The following SLC17A6 variants were observed in gnomAD, a reference collection of about 807,000 sequenced individuals.
SLC17A6 encodes vesicular glutamate transporter 2.
Under a neutral mutation model 67.1 loss-of-function variants are expected in SLC17A6, and 35 were observed. The observed-to-expected ratio is 0.52, with a 90% CI of 0.40 to 0.69. The LOEUF (loss-of-function observed/expected upper bound fraction) is 0.69, where lower values mean the gene tolerates loss of function less well. Among genes scored for constraint, SLC17A6 ranks in the 30% least tolerant of loss-of-function variants. SLC17A6 has a pLI of 0.00. For synonymous variants in SLC17A6, 285 were observed against 252.3 expected (o/e 1.13, Z -1.23); for missense variants, 588 against 723.9 (o/e 0.81, Z 2.15).
chr11:22,376,048 C>T lies in SLC17A6; in HGVS notation c.1241C>T (p.Ser414Leu), dbSNP rs780431944. The change falls in exon 10 of 12, where the codon TCA (serine) becomes TTA (leucine). Residue 414 changes from serine (S) to leucine (L), a missense_variant. Around this residue, in one of 4 missense-constraint regions of SLC17A6, gnomAD observed 414 missense variants for 563.4 expected, o/e 0.73. Coordinates refer to ENST00000263160, the MANE Select transcript of SLC17A6 (RefSeq NM_020346.3). ...TCTCATACTAGAGGGGTAGCAATCT[C>T]ATTCTTGGTACTTGCAGTGGGATTC... Reference protein sequence around the residue: ...GYSHTRGVAISFLVLAVGFSG... With the variant: ...GYSHTRGVAILFLVLAVGFSG... 1.2e-6 allele frequency: 2 copies of T among 1,612,538 alleles called. No individual in the cohort carries two copies. The highest frequency in any genetic ancestry group is 1.7e-6 in the Non-Finnish European group (2 of 1,179,220).
chr11:22,377,814 A>T lies in SLC17A6; in HGVS notation c.*74A>T, dbSNP rs1856249178. On this transcript the variant is annotated 3_prime_UTR_variant, in exon 12 of 12. Coordinates refer to ENST00000263160, the MANE Select transcript of SLC17A6 (RefSeq NM_020346.3). ...GTGATTGCACAAAAATTTTAAAAAC[A>T]CGTGATGTAAACTTGCAAGCATATC... The T allele has an allele frequency of 8.0e-7, 1 of 1,251,468 alleles. No homozygotes were observed. Among genetic ancestry groups the T allele is most frequent in the South Asian group, 1.6e-5 (1 of 60,916 alleles). The allele number at this position is 1,251,468 out of a possible 1,614,324, so 77.5% of individuals were successfully genotyped here. A position where few individuals can be genotyped will look rare whatever the true frequency, so the allele number is the denominator to read the frequency against.
At chr11:22,354,237 C>T (rs1435902566) in intron 3 of SLC17A6, among the ~76,000 whole-genome samples, 1 of 152,068 alleles carries the variant, frequency 6.6e-6, no homozygotes, top group Admixed American at 6.5e-5. Flanking sequence ...GTGCCCACCG[C>T]CACACGCAGC....
At position 22,360,897 on chromosome 11, in the gene SLC17A6, G is replaced by T. The variant is rs1331414503; in HGVS notation, c.574G>T (p.Gly192Cys). ...TGATGAGTATCTTCCCCCATCACAG[G>T]GTGTGACCTACCCAGCATGTCATGG... Reference protein sequence around the residue: ...FVRILQGLVEGVTYPACHGIW... With the variant: ...FVRILQGLVECVTYPACHGIW... The change falls in exon 5 of 12, where the codon GGT becomes TGT. Residue 192 changes from glycine to cysteine, a missense_variant and splice_region_variant. Around this residue, in one of 4 missense-constraint regions of SLC17A6, gnomAD observed 414 missense variants for 563.4 expected, o/e 0.73. Transcript: ENST00000263160. 1 of 1,613,748 alleles carries T rather than the reference G, an allele frequency of 6.2e-7. No individual in the cohort carries two copies.
At chr11:22,359,341 C>A in intron 3 of SLC17A6, 72 bp from the exon 4 acceptor site, 3 of 864,336 alleles carry the variant, frequency 3.5e-6, no homozygotes, top group Non-Finnish European at 3.3e-6. Flanking sequence ...TTTCACTTCT[C>A]CTGAGAAATT....
intron 3 of SLC17A6, among the ~76,000 whole-genome samples, chr11:22,346,624 A>G (rs1855878717): frequency 6.6e-6 from 1 of 150,956 alleles, no homozygotes. Flanking sequence ...TTTTAAGATG[A>G]GAACATATTA....
chr11:22,351,709 G>A (rs1393317781), intron 3 of SLC17A6, among the ~76,000 whole-genome samples: 1 of 152,132 alleles, frequency 6.6e-6, no homozygotes, highest in African/African-American at 2.4e-5. Context: ...AAATAGGAAA[G>A]AACTAGCCTG....
intron 6 of SLC17A6, among the ~76,000 whole-genome samples, chr11:22,363,459 C>T (rs1041913326): frequency 6.6e-5 from 10 of 152,072 alleles, no homozygotes; most frequent in Non-Finnish European, 1.5e-4. Context: ...CTAAGAGGCA[C>T]TTTTTAATGA....
intron 1 of SLC17A6, among the ~76,000 whole-genome samples, chr11:22,340,798 A>G (rs1484329154): frequency 6.6e-6 from 1 of 152,102 alleles, no homozygotes; most frequent in Non-Finnish European, 1.5e-5. Flanking sequence ...CAGGGGAGTA[A>G]GCATTGAACT....
At chr11:22,355,386 C>T (rs573565323) in intron 3 of SLC17A6, among the ~76,000 whole-genome samples, 167 of 152,212 alleles carry the variant, frequency 1.1e-3, no homozygotes, top group African/African-American at 3.9e-3. Flanking sequence ...GCCTTTCCCC[C>T]CACCCTCTTC....
At chr11:22,353,079 C>T (rs536017459) in intron 3 of SLC17A6, among the ~76,000 whole-genome samples, 12 of 152,190 alleles carry the variant, frequency 7.9e-5, no homozygotes, top group Middle Eastern at 3.4e-3. Context: ...GAAAAAGATG[C>T]GAAATAATCA....
intron 3 of SLC17A6, among the ~76,000 whole-genome samples, chr11:22,351,325 G>T (rs1327923151): frequency 1.3e-5 from 2 of 152,014 alleles, no homozygotes; most frequent in Middle Eastern, 3.4e-3. Flanking sequence ...GGCTTCTAGG[G>T]TACCCATCAC....
At chr11:22,373,151 C>T (rs1030958755) in intron 8 of SLC17A6, among the ~76,000 whole-genome samples, 2 of 152,080 alleles carry the variant, frequency 1.3e-5, no homozygotes, top group Admixed American at 6.6e-5. Flanking sequence ...AATGATTGTT[C>T]AAATAGATAG....
intron 3 of SLC17A6, among the ~76,000 whole-genome samples, chr11:22,357,575 T>C (rs376116564): frequency 5.9e-5 from 9 of 152,132 alleles, no homozygotes; most frequent in African/African-American, 1.7e-4. Flanking sequence ...CAAATTTCAA[T>C]CATGAAGAGG....
rs776350731 is a variant in SLC17A6, at chr11:22,376,526, A to C, written c.1286-19A>C. On this transcript the variant is annotated intron_variant, in intron 10 of 11. Transcript: ENST00000263160. ...GACGTTTAGGATGCCCTGAGTCAAA[A>C]CTTATGTGTGTATTTCAGGTTTCAA... The C allele has an allele frequency of 6.2e-6, 10 of 1,613,612 alleles. No homozygotes were observed. The highest frequency in any genetic ancestry group is 7.6e-6 in the Non-Finnish European group (9 of 1,179,806).
At chr11:22,339,033 T>A (rs1241560232) in intron 1 of SLC17A6, among the ~76,000 whole-genome samples, 11 of 110,694 alleles carry the variant, frequency 9.9e-5, no homozygotes, top group East Asian at 2.5e-4. Context: ...TCTAAAAAAA[T>A]AACCAAGAAA....
At chr11:22,376,521 T>C in intron 10 of SLC17A6, 24 bp from the exon 11 acceptor site, 1 of 1,613,630 alleles carries the variant, frequency 6.2e-7, no homozygotes, top group Non-Finnish European at 8.5e-7. Context: ...ATGCCCTGAG[T>C]CAAAACTTAT....
Position 22,377,581 on chromosome 11 carries a change from C to T in SLC17A6, c.1590C>T (p.Asp530=). The part of the protein sequence containing the change: ...HEDELDEETG[D]ITQNYINYGT... The stretch of plus-strand genomic sequence containing the variant: ...ATGAACTCGATGAAGAAACAGGGGA[C>T]ATTACTCAAAATTATATAAATTATG... Residue 530 remains aspartate (D), a synonymous_variant, in exon 12 of 12, where the codon GAC becomes GAT. Coordinates refer to ENST00000263160, the MANE Select transcript of SLC17A6 (RefSeq NM_020346.3). 6.2e-7 allele frequency: 1 copy of T among 1,614,070 alleles called. No homozygotes were observed. The highest frequency in any genetic ancestry group is 8.5e-7 in the Non-Finnish European group (1 of 1,180,010).
chr11:22,346,084 C>G (rs1395829245), intron 3 of SLC17A6, among the ~76,000 whole-genome samples: 1 of 152,132 alleles, frequency 6.6e-6, no homozygotes, highest in Middle Eastern at 3.2e-3. Flanking sequence ...ATAAGCTTCT[C>G]TATATTGATC....
chr11:22,343,343 G>A lies in SLC17A6; in HGVS notation c.436G>A (p.Ala146Thr). 2 of 1,611,066 alleles carry A rather than the reference G, an allele frequency of 1.2e-6. No individual in the cohort carries two copies. Among genetic ancestry groups the A allele is most frequent in the Non-Finnish European group, 1.7e-6 (2 of 1,179,220 alleles). ...IITQIPGGYIASRLAANRVFG... is the reference protein window; with the variant it reads ...IITQIPGGYITSRLAANRVFG... ...CACTCAGATTCCGGGAGGCTACATC[G>A]CGTCTCGGCTGGCAGCCAACAGGTA... Residue 146 changes from alanine (A) to threonine (T), a missense_variant, in exon 3 of 12, where the codon GCG (alanine) becomes ACG (threonine). By Grantham distance (58) the Ala-to-Thr change is moderately conservative (BLOSUM62 0). Transcript: ENST00000263160.
Sources: allele counts gnomAD v4.1 joint callset (sites outside exome capture counted in the v4.1 genomes callset), GRCh38; gene constraint gnomAD v4.1.1; regional missense constraint gnomAD v4.1.1; transcripts MANE v1.5; gene names NCBI Gene and HGNC (gene_info 2026-07-23, HGNC 2026-07-21).